Variants in VAV3 observed in about 807,000 individuals in gnomAD.
The protein encoded by VAV3 is vav guanine nucleotide exchange factor 3.
A neutral mutation model predicts 131.2 loss-of-function variants in VAV3; 94 were observed. The observed-to-expected ratio is 0.72, with a 90% CI of 0.61 to 0.85. The LOEUF (loss-of-function observed/expected upper bound fraction) is 0.85, where lower values mean the gene tolerates loss of function less well. Among genes scored for constraint, VAV3 ranks in the 40% least tolerant of loss-of-function variants. The pLI, the probability that VAV3 is intolerant of heterozygous loss-of-function variation, is 0.00. For synonymous variants in VAV3, 349 were observed against 342.0 expected (o/e 1.02, Z -0.22); for missense variants, 939 against 1,002.7 (o/e 0.94, Z 0.86).
rs1447261250 is a variant in VAV3 at position 107,930,999 on chromosome 1, G to A, written c.204+33667C>T. On this transcript the variant is annotated intron_variant, in intron 1 of 26. Coordinates refer to ENST00000370056, the MANE Select transcript of VAV3 (RefSeq NM_006113.5). Reference sequence around the variant, plus strand: ...AAATACAGAATGTGAAATAGTCTACGAGACAAGTGACCAGGTTTCCTGATC... The same window carrying A: ...AAATACAGAATGTGAAATAGTCTACAAGACAAGTGACCAGGTTTCCTGATC... Among the ~76,000 whole-genome samples, 9 of 152,256 alleles carry A rather than the reference G, an allele frequency of 5.9e-5. No individual in the cohort carries two copies. In the South Asian group the frequency reaches 6.2e-4, roughly 11 times the overall value.
chr1:107,731,698 G>C (rs368350497), intron 15 of VAV3, among the ~76,000 whole-genome samples: 127 of 152,256 alleles, frequency 8.3e-4, no homozygotes, highest in African/African-American at 2.9e-3. Context: ...TTCAGAGGCA[G>C]TCCGTCCCTC....
chr1:107,741,372 G>A lies in VAV3; in HGVS notation c.1502+7596C>T, dbSNP rs552359881. 2.0e-5 allele frequency among the ~76,000 whole-genome samples: 3 copies of A among 152,272 alleles called. No individual in the cohort carries two copies. The East Asian group carries it at 5.8e-4, about 29-fold the overall frequency. On this transcript the variant is annotated intron_variant, in intron 15 of 26. Coordinates refer to ENST00000370056, the MANE Select transcript of VAV3 (RefSeq NM_006113.5). ...CCAGGATGGGTGTGGGAGGCACTCT[G>A]TCCGGCCTGACTAGCCGCTCCCTGA...
At chr1:107,890,672 C>A in intron 1 of VAV3, among the ~76,000 whole-genome samples, 1 of 152,220 alleles carries the variant, frequency 6.6e-6, no homozygotes, top group East Asian at 1.9e-4. Flanking sequence ...AGTCTGCCTT[C>A]TTTGAGTCAT....
chr1:107,770,785 G>A (rs542574109), intron 5 of VAV3, 57 bp from the exon 6 acceptor site: 38 of 1,381,034 alleles, frequency 2.8e-5, no homozygotes, highest in Non-Finnish European at 3.0e-5. Context: ...TTAACCTATC[G>A]GGAAGTAGAG....
chr1:107,630,061 G>A (rs1179647049), intron 20 of VAV3, among the ~76,000 whole-genome samples: 1 of 152,132 alleles, frequency 6.6e-6, no homozygotes, highest in African/African-American at 2.4e-5. Context: ...CAAAGCCATT[G>A]TAACATCTCG....
chr1:107,727,332 G>T (rs1036695660), intron 15 of VAV3, among the ~76,000 whole-genome samples: 2 of 152,162 alleles, frequency 1.3e-5, no homozygotes, highest in African/African-American at 4.8e-5. Flanking sequence ...CTGTTTTTAA[G>T]ATGATGAATA....
At chr1:107,635,625 T>G (rs59364590) in intron 20 of VAV3, among the ~76,000 whole-genome samples, 57,886 of 151,880 alleles carry the variant, frequency 0.38, 11,539 homozygotes, top group East Asian at 0.48. Flanking sequence ...TATAATAAAA[T>G]AAATTTTTTA....
At chr1:107,854,511 T>C (rs1452527435) in intron 2 of VAV3, among the ~76,000 whole-genome samples, 1 of 152,216 alleles carries the variant, frequency 6.6e-6, no homozygotes, top group African/African-American at 2.4e-5. Flanking sequence ...TGGAATCTAA[T>C]ATATTAGATA....
intron 15 of VAV3, among the ~76,000 whole-genome samples, chr1:107,720,428 TA>T (rs1553194423): frequency 2.6e-5 from 3 of 114,646 alleles, no homozygotes; most frequent in Non-Finnish European, 3.5e-5. Context: ...AATAAATAAA[TA>T]AAAGTTCCAT....
At chr1:107,670,920 C>T (rs1326594258) in intron 19 of VAV3, among the ~76,000 whole-genome samples, 1 of 152,090 alleles carries the variant, frequency 6.6e-6, no homozygotes. Flanking sequence ...GTTGCCATTT[C>T]GTTTTCTCAA....
chr1:107,870,538 C>G (rs1463061956), intron 2 of VAV3, among the ~76,000 whole-genome samples: 1 of 151,938 alleles, frequency 6.6e-6, no homozygotes, highest in East Asian at 1.9e-4. Flanking sequence ...TGATATTAGT[C>G]CTTTGTTTGG....
chr1:107,868,770 C>T (rs1670120057), intron 2 of VAV3, among the ~76,000 whole-genome samples: 1 of 152,152 alleles, frequency 6.6e-6, no homozygotes, highest in African/African-American at 2.4e-5. Flanking sequence ...AACACATCTA[C>T]AAACCTGAAA....
intron 3 of VAV3, chr1:107,777,563 G>A: frequency 4.0e-6 from 2 of 497,924 alleles, no homozygotes; most frequent in Non-Finnish European, 7.2e-6. Context: ...ACATGTGCAG[G>A]GGGTCATAAT....
chr1:107,870,354 T>C (rs1045432756), intron 2 of VAV3, among the ~76,000 whole-genome samples: 5 of 152,198 alleles, frequency 3.3e-5, no homozygotes, highest in Admixed American at 1.3e-4. Context: ...TGGTATTCCA[T>C]TGTGGTTTTG....
intron 15 of VAV3, among the ~76,000 whole-genome samples, chr1:107,730,556 T>C (rs945873173): frequency 2.6e-5 from 4 of 152,232 alleles, no homozygotes; most frequent in African/African-American, 9.6e-5. Flanking sequence ...TCAAAAAATC[T>C]TGAAATAAAT....
intron 1 of VAV3, among the ~76,000 whole-genome samples, chr1:107,963,906 G>A (rs1419377527): frequency 6.6e-6 from 1 of 152,192 alleles, no homozygotes; most frequent in Non-Finnish European, 1.5e-5. Context: ...AGAGGTGTCT[G>A]GCTTAACCCT....
chr1:107,741,098 T>C (rs1037626860), intron 15 of VAV3, among the ~76,000 whole-genome samples: 1 of 152,198 alleles, frequency 6.6e-6, no homozygotes, highest in Non-Finnish European at 1.5e-5. Flanking sequence ...TTGCTGTTTC[T>C]TAGGCCTGCT....
intron 20 of VAV3, among the ~76,000 whole-genome samples, chr1:107,640,865 G>A (rs966863818): frequency 2.0e-5 from 3 of 152,098 alleles, no homozygotes; most frequent in South Asian, 2.1e-4. Context: ...AATATGGGAG[G>A]AGACTGAGCA....
At chr1:107,621,544 T>C (rs183575643) in intron 20 of VAV3, among the ~76,000 whole-genome samples, 61 of 152,208 alleles carry the variant, frequency 4.0e-4, no homozygotes, top group African/African-American at 1.0e-3. Flanking sequence ...AACTATGACA[T>C]AGACCAACCT....
Sources: allele counts gnomAD v4.1 joint callset (sites outside exome capture counted in the v4.1 genomes callset), GRCh38; gene constraint gnomAD v4.1.1; transcripts MANE v1.5; gene names NCBI Gene and HGNC (gene_info 2026-07-23, HGNC 2026-07-21).